The following CRY1 variants were observed in gnomAD, a reference collection of about 807,000 sequenced individuals.
CRY1 encodes cryptochrome-1.
CRY1 carries 45 observed loss-of-function variants against 76.0 expected under a neutral mutation model. The ratio of observed to expected loss-of-function variants is 0.59; its 90% CI spans 0.47 to 0.76. CRY1 has a LOEUF of 0.76. Among genes scored for constraint, CRY1 ranks in the 30% least tolerant of loss-of-function variants. The pLI is 0.00. For synonymous variants in CRY1, 248 were observed against 244.0 expected (o/e 1.02, Z -0.15); for missense variants, 587 against 716.4 (o/e 0.82, Z 2.06).
intron 1 of CRY1, among the ~76,000 whole-genome samples, chr12:107,042,073 C>A (rs1481728331): frequency 1.3e-5 from 2 of 152,038 alleles, no homozygotes; most frequent in African/African-American, 4.8e-5. Context: ...AATAGCAGTA[C>A]ATTATGACCC....
chr12:107,012,060 C>A (rs1160434023), intron 2 of CRY1, among the ~76,000 whole-genome samples: 2 of 152,040 alleles, frequency 1.3e-5, no homozygotes, highest in Admixed American at 6.6e-5. Context: ...CATGGTGGTG[C>A]ACGCCTGCAG....
intron 1 of CRY1, among the ~76,000 whole-genome samples, chr12:107,065,907 C>T (rs966573779): frequency 1.3e-5 from 2 of 152,124 alleles, no homozygotes; most frequent in Non-Finnish European, 2.9e-5. Context: ...CATGCTCAAC[C>T]CAGCCCTATA....
At chr12:107,083,220 AG>A (rs1953349224) in intron 1 of CRY1, among the ~76,000 whole-genome samples, 1 of 152,212 alleles carries the variant, frequency 6.6e-6, no homozygotes, top group Admixed American at 6.5e-5. Context: ...AACCAAAAAA[AG>A]CCCAGGACTA....
At chr12:107,020,828 A>G (rs891166854) in intron 2 of CRY1, among the ~76,000 whole-genome samples, 4 of 152,220 alleles carry the variant, frequency 2.6e-5, no homozygotes, top group African/African-American at 9.6e-5. Flanking sequence ...GCAATGAGGA[A>G]ACTCAGTTTC....
chr12:107,021,993 C>T, intron 2 of CRY1, 91 bp downstream of exon 2: 1 of 988,072 alleles, frequency 1.0e-6, no homozygotes, highest in Non-Finnish European at 1.5e-6. Context: ...CTTATATTCG[C>T]TACATTTTCA....
intron 1 of CRY1, among the ~76,000 whole-genome samples, chr12:107,078,567 T>A (rs951898610): frequency 6.6e-6 from 1 of 152,154 alleles, no homozygotes; most frequent in African/African-American, 2.4e-5. Flanking sequence ...TATGGCTGTA[T>A]CCAATCTCAT....
Position 107,000,012 on chromosome 12 carries a change from C to G in CRY1, c.755G>C (p.Ser252Thr). 1.9e-6 allele frequency: 3 copies of G among 1,613,262 alleles called. No individual in the cohort carries two copies. The highest frequency in any genetic ancestry group is 2.5e-6 in the Non-Finnish European group (3 of 1,179,886). Residue 252 changes from serine (S) to threonine (T), a missense_variant, in exon 6 of 13, where the codon AGT becomes ACT. Physicochemically the swap from Ser to Thr is moderately conservative, Grantham distance 58. Transcript: ENST00000008527. The stretch of plus-strand genomic sequence containing the variant: ...CAAACAACCAAATCGGAGATAAGGA[C>G]TAAGTCCAGTAGGGCTTGCAAGCAG... ...NSLLASPTGL[S>T]PYLRFGCLSC... is the part of the protein sequence containing the mutation.
At chr12:107,080,476 T>C (rs1357405607) in intron 1 of CRY1, among the ~76,000 whole-genome samples, 1 of 151,764 alleles carries the variant, frequency 6.6e-6, no homozygotes, top group Non-Finnish European at 1.5e-5. Flanking sequence ...TGCCTAGAAA[T>C]ATGTGAAATG....
chr12:106,997,840 T>C (rs759284909), intron 8 of CRY1, 75 bp downstream of exon 8: 25 of 1,565,896 alleles, frequency 1.6e-5, no homozygotes, highest in Non-Finnish European at 2.1e-5. Context: ...GGGAATACTT[T>C]AAGCATTGAT....
At position 107,002,982 on chromosome 12, in the gene CRY1, T is replaced by C. The variant is rs943171321; in HGVS notation, c.411-1034A>G. Among the ~76,000 whole-genome samples the C allele has an allele frequency of 3.3e-5, 5 of 152,226 alleles. No individual in the cohort carries two copies. The East Asian group carries it at 9.6e-4, about 29-fold the overall frequency. ...GTAAGTCCATTAAATCTTTCTTTTG[T>C]AAATTGCCCAGTCTCGGGTATGTCT... On this transcript the variant is annotated intron_variant, in intron 3 of 12. Coordinates refer to ENST00000008527, the MANE Select transcript of CRY1 (RefSeq NM_004075.5).
At chr12:107,088,362 C>T (rs1953428562) in intron 1 of CRY1, among the ~76,000 whole-genome samples, 1 of 152,224 alleles carries the variant, frequency 6.6e-6, no homozygotes, top group Non-Finnish European at 1.5e-5. Flanking sequence ...TTCTGAGGTC[C>T]TCACCAGAAC....
chr12:107,015,692 A>G (rs1952491192), intron 2 of CRY1, among the ~76,000 whole-genome samples: 2 of 151,372 alleles, frequency 1.3e-5, no homozygotes, highest in Non-Finnish European at 2.9e-5. Context: ...TTCACTTTGC[A>G]ATTTTTTTTG....
intron 2 of CRY1, among the ~76,000 whole-genome samples, chr12:107,007,333 A>G (rs527382979): frequency 6.6e-6 from 1 of 152,292 alleles, no homozygotes; most frequent in South Asian, 2.1e-4. Flanking sequence ...AGTCTATAAA[A>G]TGGGTAGAGT....
At chr12:107,087,933 G>A (rs1479419539) in intron 1 of CRY1, among the ~76,000 whole-genome samples, 1 of 152,098 alleles carries the variant, frequency 6.6e-6, no homozygotes, top group Non-Finnish European at 1.5e-5. Context: ...CAGCTACTTG[G>A]GAGGCTGAGG....
chr12:107,065,468 G>A (rs539867788), intron 1 of CRY1, among the ~76,000 whole-genome samples: 23 of 152,116 alleles, frequency 1.5e-4, no homozygotes, highest in African/African-American at 4.8e-4. Flanking sequence ...GGTGGTGCAC[G>A]CCTGTAATCC....
chr12:107,069,583 T>TAA (rs1328535618), intron 1 of CRY1, among the ~76,000 whole-genome samples: 1 of 128,026 alleles, frequency 7.8e-6, no homozygotes, highest in South Asian at 2.4e-4. Flanking sequence ...AGTATATATA[T>TAA]AAAGTATATA....
At chr12:107,007,711 G>A (rs1038775516) in intron 2 of CRY1, among the ~76,000 whole-genome samples, 3 of 151,384 alleles carry the variant, frequency 2.0e-5, no homozygotes, top group South Asian at 2.1e-4. Flanking sequence ...ATTTTTTTTC[G>A]TAAAGACAGG....
chr12:106,998,427 G>C (rs914827244), intron 7 of CRY1, among the ~76,000 whole-genome samples: 6 of 152,050 alleles, frequency 3.9e-5, no homozygotes, highest in African/African-American at 1.4e-4. Context: ...AAGCAAAAAT[G>C]CTATTACATA....
At chr12:107,007,886 G>A (rs1486302229) in intron 2 of CRY1, among the ~76,000 whole-genome samples, 1 of 152,142 alleles carries the variant, frequency 6.6e-6, no homozygotes, top group Non-Finnish European at 1.5e-5. Flanking sequence ...ATACTGAAGT[G>A]AGTCAATAAA....
Sources: allele counts gnomAD v4.1 joint callset (sites outside exome capture counted in the v4.1 genomes callset), GRCh38; gene constraint gnomAD v4.1.1; transcripts MANE v1.5; gene names NCBI Gene and HGNC (gene_info 2026-07-23, HGNC 2026-07-21).